The following KCNQ3 variants were observed in gnomAD, a reference collection of about 807,000 sequenced individuals.
KCNQ3 encodes potassium voltage-gated channel subfamily Q member 3.
Under a neutral mutation model 92.5 loss-of-function variants are expected in KCNQ3, and 30 were observed. The observed-to-expected ratio is 0.32, with a 90% CI of 0.24 to 0.44. The LOEUF (loss-of-function observed/expected upper bound fraction) is 0.44. Among genes scored for constraint, KCNQ3 ranks in the 20% least tolerant of loss-of-function variants. KCNQ3 has a pLI of 1.00. For synonymous variants in KCNQ3, 450 were observed against 468.8 expected (o/e 0.96, Z 0.52); for missense variants, 913 against 1,140.3 (o/e 0.80, Z 2.87).
At chr8:132,142,470 G>C (rs1825326528) in intron 9 of KCNQ3, among the ~76,000 whole-genome samples, 1 of 152,134 alleles carries the variant, frequency 6.6e-6, no homozygotes, top group Non-Finnish European at 1.5e-5. Flanking sequence ...ACACAGAGCA[G>C]GTGCTCTGTA....
At chr8:132,327,896 T>C (rs1818106102) in intron 1 of KCNQ3, among the ~76,000 whole-genome samples, 1 of 152,004 alleles carries the variant, frequency 6.6e-6, no homozygotes, top group African/African-American at 2.4e-5. Flanking sequence ...ACCCCACCTG[T>C]ACTTGTACTA....
chr8:132,234,387 T>C (rs1356831510), intron 1 of KCNQ3, among the ~76,000 whole-genome samples: 2 of 135,138 alleles, frequency 1.5e-5, no homozygotes, highest in Non-Finnish European at 3.1e-5. Context: ...GGCCAAGCAG[T>C]TCTTCCAAAG....
intron 1 of KCNQ3, among the ~76,000 whole-genome samples, chr8:132,409,025 T>C (rs888076304): frequency 6.6e-6 from 1 of 152,154 alleles, no homozygotes; most frequent in South Asian, 2.1e-4. Flanking sequence ...AGATAATAAA[T>C]GCATGTTTTA....
rs778075523 is a variant in KCNQ3 at position 132,273,434 on chromosome 8, G to A, written c.387-87253C>T. ...AAGTCCTTAGGCTGCACACAGCATG[G>A]GGACCCTGGGCCCAGCCCATGAAAC... On this transcript the variant is annotated intron_variant, in intron 1 of 14. Transcript: ENST00000388996. Among the ~76,000 whole-genome samples the A allele has an allele frequency of 3.4e-4, 51 of 152,170 alleles. 1 individual carries two copies. Among genetic ancestry groups the A allele is most frequent in the Non-Finnish European group, 2.6e-4 (18 of 68,014 alleles).
intron 1 of KCNQ3, among the ~76,000 whole-genome samples, chr8:132,393,627 T>A (rs943642845): frequency 3.9e-5 from 6 of 152,220 alleles, no homozygotes; most frequent in African/African-American, 1.4e-4. Flanking sequence ...ATTTAACAAC[T>A]AAATTTATCA....
intron 1 of KCNQ3, among the ~76,000 whole-genome samples, chr8:132,471,715 T>C (rs935339205): frequency 3.9e-5 from 6 of 152,134 alleles, no homozygotes; most frequent in African/African-American, 1.4e-4. Context: ...TCTAGGCAAA[T>C]ATTTTATGCC....
At position 132,175,441 on chromosome 8, in the gene KCNQ3, G is replaced by A. The variant is rs113965977; in HGVS notation, c.933+12C>T. 3.5e-5 allele frequency: 57 copies of A among 1,614,010 alleles called. No homozygotes were observed. In the African/African-American group the frequency reaches 5.1e-4, roughly 14 times the overall value. On this transcript the variant is annotated intron_variant, in intron 5 of 14. Transcript: ENST00000388996. ...CAATCTCACAGAATTGGCCTCCAAG[G>A]TAGTGACTCACCAGGCCCCACCACA... is the stretch of plus-strand genomic sequence containing the variant.
At chr8:132,215,606 C>T (rs548592654) in intron 1 of KCNQ3, among the ~76,000 whole-genome samples, 5 of 152,292 alleles carry the variant, frequency 3.3e-5, no homozygotes, top group East Asian at 3.9e-4. Flanking sequence ...CTGTTTCCCA[C>T]GCTTCTGCCT....
intron 1 of KCNQ3, among the ~76,000 whole-genome samples, chr8:132,306,461 T>C (rs1817424873): frequency 6.6e-6 from 1 of 152,192 alleles, no homozygotes; most frequent in South Asian, 2.1e-4. Flanking sequence ...AAACCCAGCA[T>C]CAAAGAGACC....
chr8:132,388,198 G>T (rs1281573243), intron 1 of KCNQ3, among the ~76,000 whole-genome samples: 1 of 152,134 alleles, frequency 6.6e-6, no homozygotes, highest in East Asian at 1.9e-4. Flanking sequence ...AAATGATCAT[G>T]CAAAAGATTC....
At chr8:132,375,379 G>A (rs911015231) in intron 1 of KCNQ3, among the ~76,000 whole-genome samples, 1 of 152,144 alleles carries the variant, frequency 6.6e-6, no homozygotes, top group Non-Finnish European at 1.5e-5. Context: ...TCGAGTGTCT[G>A]GTTTAATAGG....
Position 132,442,015 on chromosome 8 carries a change from GCT to G in KCNQ3, c.386+38130_386+38131del, listed in dbSNP as rs574952885. On this transcript the variant is annotated intron_variant, in intron 1 of 14. Transcript: ENST00000388996. ...TGCATGTTCTCACTTATAAGTGAGA[GCT>G]AAATGATTGAGAATACATGGACACA... 4.6e-3 allele frequency among the ~76,000 whole-genome samples: 706 copies of G among 152,268 alleles called. 4 individuals carry two copies. Among genetic ancestry groups the G allele is most frequent in the African/African-American group, 0.016 (676 of 41,542 alleles).
chr8:132,328,223 C>T (rs1191328093), intron 1 of KCNQ3, among the ~76,000 whole-genome samples: 3 of 152,144 alleles, frequency 2.0e-5, no homozygotes, highest in African/African-American at 2.4e-5. Flanking sequence ...CCTCAGGACT[C>T]ATTGTCTGCA....
intron 1 of KCNQ3, among the ~76,000 whole-genome samples, chr8:132,243,187 G>A (rs899430113): frequency 6.6e-6 from 1 of 152,192 alleles, no homozygotes; most frequent in Non-Finnish European, 1.5e-5. Context: ...ATAATGTTGA[G>A]CCCATTCTAC....
chr8:132,132,443 C>T (rs1411972709), intron 13 of KCNQ3, among the ~76,000 whole-genome samples, 179 bp from the exon 14 acceptor site: 4 of 152,230 alleles, frequency 2.6e-5, no homozygotes, highest in Non-Finnish European at 4.4e-5. Flanking sequence ...CAGAGTTTTT[C>T]TGCATTCAAC....
At chr8:132,236,177 G>A (rs1814808972) in intron 1 of KCNQ3, among the ~76,000 whole-genome samples, 1 of 152,152 alleles carries the variant, frequency 6.6e-6, no homozygotes, top group African/African-American at 2.4e-5. Context: ...CACCACTACT[G>A]GAAAGAGTTT....
intron 1 of KCNQ3, among the ~76,000 whole-genome samples, chr8:132,190,247 T>C (rs1827119322): frequency 6.6e-6 from 1 of 152,138 alleles, no homozygotes; most frequent in African/African-American, 2.4e-5. Flanking sequence ...CCTAAGGTAA[T>C]CTCCAATGAG....
rs140671277 is a variant in KCNQ3, at chr8:132,281,688, G to T, written c.387-95507C>A. 1.7e-3 allele frequency among the ~76,000 whole-genome samples: 259 copies of T among 151,958 alleles called. 1 individual carries two copies. The highest frequency in any genetic ancestry group is 5.9e-3 in the African/African-American group (244 of 41,388). Reference sequence around the variant, plus strand: ...CTCCACATTCGCTCAACTCCTGATTGCATGCCCACCGGCACCCCCACACCC... The same window carrying T: ...CTCCACATTCGCTCAACTCCTGATTTCATGCCCACCGGCACCCCCACACCC... On this transcript the variant is annotated intron_variant, in intron 1 of 14. Coordinates refer to ENST00000388996, the MANE Select transcript of KCNQ3 (RefSeq NM_004519.4).
intron 14 of KCNQ3, 90 bp from the exon 15 acceptor site, chr8:132,130,086 T>G (rs921999236): frequency 2.0e-6 from 2 of 1,012,296 alleles, no homozygotes; most frequent in Non-Finnish European, 1.4e-6. Flanking sequence ...TTTTTTTTGT[T>G]TTTTTTTTTT....
Sources: allele counts gnomAD v4.1 joint callset (sites outside exome capture counted in the v4.1 genomes callset), GRCh38; gene constraint gnomAD v4.1.1; transcripts MANE v1.5; gene names NCBI Gene and HGNC (gene_info 2026-07-23, HGNC 2026-07-21).